Variants in VSIG1 observed in about 807,000 individuals in gnomAD.
VSIG1 encodes V-set and immunoglobulin domain-containing protein 1.
VSIG1 carries 11 observed loss-of-function variants against 20.1 expected under a neutral mutation model. That is an observed-to-expected ratio of 0.55 (90% CI 0.34 to 0.91). The LOEUF (loss-of-function observed/expected upper bound fraction) is 0.91, where lower values mean the gene tolerates loss of function less well. VSIG1 is among the 40% of genes least tolerant of loss of function. The probability of loss-of-function intolerance (pLI) is 0.02; values close to 1 mark genes in which losing one functional copy is unlikely to be tolerated. For missense variants in VSIG1, 283 were observed against 298.8 expected, an observed-to-expected ratio of 0.95 and a Z score of 0.39; for synonymous variants, 126 against 116.7, an observed-to-expected ratio of 1.08 and a Z score of -0.52.
At chrX:108,056,949 C>G (rs2030912945) in intron 1 of VSIG1, among the ~76,000 whole-genome samples, 1 of 112,306 alleles carries the variant, frequency 8.9e-6, no homozygotes, top group Admixed American at 9.4e-5. Context: ...TGAATGTTCA[C>G]TGGAGTTTTA....
the VSIG1 span, among the ~76,000 whole-genome samples, chrX:108,027,990 A>C: frequency 9.0e-6 from 1 of 111,726 alleles, no homozygotes; most frequent in African/African-American, 3.3e-5. Flanking sequence ...AAACCAAAAA[A>C]AAAGATAGTA....
chrX:108,057,947 A>G, intron 1 of VSIG1, 91 bp from the exon 2 acceptor site: 1 of 934,013 alleles, frequency 1.1e-6, no homozygotes, highest in Non-Finnish European at 1.5e-6. Flanking sequence ...TGGATTCCTC[A>G]AATAGGATGT....
At chrX:108,047,975 T>C (rs201757135) in intron 1 of VSIG1, among the ~76,000 whole-genome samples, 10 of 57,076 alleles carry the variant, frequency 1.8e-4, no homozygotes, top group African/African-American at 5.4e-4. Flanking sequence ...TATATATATA[T>C]ATATATATAT....
upstream of VSIG1, among the ~76,000 whole-genome samples, chrX:108,041,894 C>A (rs895645894): frequency 6.5e-5 from 7 of 108,436 alleles, no homozygotes; most frequent in African/African-American, 2.4e-4. Flanking sequence ...GGAACAGCTT[C>A]TAATGCGTGC....
At chrX:108,033,428 C>T in the VSIG1 span, among the ~76,000 whole-genome samples, 2 of 112,063 alleles carry the variant, frequency 1.8e-5, no homozygotes, top group African/African-American at 6.5e-5. Flanking sequence ...TTGTGACCCT[C>T]CTCATGCTGC....
chrX:108,061,904 C>T (rs807167), intron 2 of VSIG1, among the ~76,000 whole-genome samples: 54,274 of 108,930 alleles, frequency 0.5, 10,753 homozygotes, highest in African/African-American at 0.68. Flanking sequence ...CTTTGGAGAA[C>T]AGAGACTGAA....
At chrX:108,048,405 C>T (rs2030714052) in intron 1 of VSIG1, among the ~76,000 whole-genome samples, 1 of 112,356 alleles carries the variant, frequency 8.9e-6, no homozygotes, top group Admixed American at 9.4e-5. Context: ...TTTTAGGATA[C>T]ATGTGCACAA....
At chrX:108,052,881 CT>C (rs1281102079) in intron 1 of VSIG1, among the ~76,000 whole-genome samples, 2 of 111,082 alleles carry the variant, frequency 1.8e-5, no homozygotes, top group Non-Finnish European at 3.8e-5. Context: ...TCTCAGTTTT[CT>C]TTTTTCCCCC....
chrX:108,031,026 C>T, the VSIG1 span, among the ~76,000 whole-genome samples: 3 of 112,391 alleles, frequency 2.7e-5, no homozygotes, highest in African/African-American at 6.5e-5. Flanking sequence ...CACTCAGATG[C>T]ACAAATTCCA....
Position 108,067,087 on chromosome X carries a change from C to T in VSIG1, c.365C>T (p.Pro122Leu), listed in dbSNP as rs1367422346. Residue 122 changes from proline to leucine, a missense_variant, in exon 3 of 7, where the codon CCA becomes CTA. By Grantham distance (98) the Pro-to-Leu change is moderately conservative. Coordinates refer to ENST00000217957, the MANE Select transcript of VSIG1 (RefSeq NM_182607.5). ...GIYICDVNNP[P>L]DFLGQNQGIL... ...TACATCTGCGATGTTAACAACCCCC[C>T]AGACTTTCTCGGCCAAAACCAAGGC... 1 of 1,211,532 alleles carries T rather than the reference C, an allele frequency of 8.3e-7. No individual in the cohort carries two copies. Among genetic ancestry groups the T allele is most frequent in the Admixed American group, 2.2e-5 (1 of 46,021 alleles).
chrX:108,049,027 C>T (rs1446251326), intron 1 of VSIG1, among the ~76,000 whole-genome samples: 1 of 112,127 alleles, frequency 8.9e-6, no homozygotes, highest in Non-Finnish European at 1.9e-5. Flanking sequence ...TGGACAATGT[C>T]TGAAAAACAT....
intron 2 of VSIG1, among the ~76,000 whole-genome samples, chrX:108,060,398 T>G (rs2147926302): frequency 9.0e-6 from 1 of 111,182 alleles, no homozygotes; most frequent in South Asian, 3.9e-4. Context: ...GCTTTTGTGT[T>G]TTTATTGCTC....
At chrX:108,068,845 A>G (rs764267596) in intron 3 of VSIG1, among the ~76,000 whole-genome samples, 1 of 112,070 alleles carries the variant, frequency 8.9e-6, no homozygotes, top group Non-Finnish European at 1.9e-5. Context: ...TGAGTTTTAG[A>G]TCTTACTCTG....
chrX:108,069,899 A>G (rs1047289064), intron 3 of VSIG1, among the ~76,000 whole-genome samples: 2 of 111,686 alleles, frequency 1.8e-5, no homozygotes, highest in African/African-American at 6.5e-5. Flanking sequence ...TATTGAGGAA[A>G]GTGACTTTTG....
chrX:108,039,163 G>A, the VSIG1 span, among the ~76,000 whole-genome samples: 5 of 110,906 alleles, frequency 4.5e-5, no homozygotes, highest in African/African-American at 1.6e-4. Context: ...TACATTCCTA[G>A]GTAATTTTTT....
chrX:108,065,206 G>T (rs930800371), intron 2 of VSIG1, among the ~76,000 whole-genome samples: 5 of 111,831 alleles, frequency 4.5e-5, no homozygotes, highest in African/African-American at 1.6e-4. Flanking sequence ...GAATACATTT[G>T]AATTCATCTA....
the VSIG1 span, among the ~76,000 whole-genome samples, chrX:108,032,450 C>A: frequency 2.7e-5 from 3 of 111,705 alleles, no homozygotes; most frequent in Non-Finnish European, 5.6e-5. Flanking sequence ...CCTGTCCTCA[C>A]AGAGCTCATA....
intron 2 of VSIG1, among the ~76,000 whole-genome samples, chrX:108,062,760 G>C (rs1211135298): frequency 9.0e-6 from 1 of 111,543 alleles, no homozygotes; most frequent in Non-Finnish European, 1.9e-5. Context: ...CCTTATACCT[G>C]CACACCCCTT....
chrX:108,047,332 G>A (rs1299348513), intron 1 of VSIG1, among the ~76,000 whole-genome samples: 1 of 111,463 alleles, frequency 9.0e-6, no homozygotes, highest in African/African-American at 3.3e-5. Flanking sequence ...TGACTTCTTA[G>A]GAATTCTTAG....
Sources: gnomAD v4.1 joint callset for allele counts (sites outside exome capture counted in the v4.1 genomes callset) on GRCh38, gnomAD v4.1.1 for gene constraint, MANE v1.5 for transcripts, NCBI Gene and HGNC (gene_info 2026-07-23, HGNC 2026-07-21) for gene names.